DNAAF4: variants seen among roughly 807,000 people sequenced by gnomAD.
The protein encoded by DNAAF4 is dynein assembly factor 4, axonemal.
DNAAF4 carries 43 observed loss-of-function variants against 51.8 expected under a neutral mutation model. The observed-to-expected ratio is 0.83, with a 90% CI of 0.65 to 1.07. The LOEUF (loss-of-function observed/expected upper bound fraction) is 1.07, where lower values mean the gene tolerates loss of function less well. Among genes scored for constraint, DNAAF4 ranks in the 50% least tolerant of loss-of-function variants. The probability of loss-of-function intolerance (pLI) is 0.00; values close to 1 mark genes in which losing one functional copy is unlikely to be tolerated. For missense variants in DNAAF4, 581 were observed against 493.0 expected (o/e 1.18, Z -1.69); for synonymous variants, 194 against 165.6 (o/e 1.17, Z -1.32).
chr15:55,446,707 C>A (rs1388204601), intron 6 of DNAAF4, among the ~76,000 whole-genome samples: 4 of 148,290 alleles, frequency 2.7e-5, no homozygotes, highest in Non-Finnish European at 6.0e-5. Flanking sequence ...CAGAGGCGCT[C>A]CTCACTTCCT....
chr15:55,483,363 G>A (rs1235618342), intron 4 of DNAAF4, among the ~76,000 whole-genome samples: 1 of 151,846 alleles, frequency 6.6e-6, no homozygotes, highest in Non-Finnish European at 1.5e-5. Flanking sequence ...CCAAAGTGCT[G>A]GGATTACAGG....
At chr15:55,437,948 A>C (rs2057642487) in intron 7 of DNAAF4, among the ~76,000 whole-genome samples, 2 of 152,146 alleles carry the variant, frequency 1.3e-5, no homozygotes, top group South Asian at 4.1e-4. Context: ...AGAAGTAATA[A>C]GTAATAGGAA....
intron 7 of DNAAF4, among the ~76,000 whole-genome samples, chr15:55,424,862 T>C (rs956645810): frequency 1.4e-5 from 2 of 147,354 alleles, no homozygotes; most frequent in African/African-American, 5.1e-5. Context: ...TGCCCGGCTG[T>C]ACCTTGCTTT....
chr15:55,483,895 T>C (rs958278810), intron 4 of DNAAF4, among the ~76,000 whole-genome samples: 1 of 124,666 alleles, frequency 8.0e-6, no homozygotes, highest in Non-Finnish European at 1.6e-5. Context: ...GGCCAAATAA[T>C]GGGAGAAGAG....
At chr15:55,449,976 G>A (rs2141459652) in intron 6 of DNAAF4, among the ~76,000 whole-genome samples, 1 of 152,090 alleles carries the variant, frequency 6.6e-6, no homozygotes, top group South Asian at 2.1e-4. Flanking sequence ...TGGGATTGCA[G>A]GCATGAGCCA....
At chr15:55,496,668 C>A (rs768669066) in intron 3 of DNAAF4, among the ~76,000 whole-genome samples, 1 of 152,182 alleles carries the variant, frequency 6.6e-6, no homozygotes, top group Admixed American at 6.5e-5. Context: ...TGTGCTCTAA[C>A]TTTGACTAAT....
At chr15:55,494,922 T>C (rs1480282091) in intron 3 of DNAAF4, among the ~76,000 whole-genome samples, 1 of 152,146 alleles carries the variant, frequency 6.6e-6, no homozygotes, top group African/African-American at 2.4e-5. Context: ...TAAATATGAA[T>C]CACCTGTGGC....
intron 4 of DNAAF4, among the ~76,000 whole-genome samples, chr15:55,487,654 C>T (rs956989819): frequency 2.0e-5 from 3 of 151,866 alleles, no homozygotes; most frequent in South Asian, 2.1e-4. Flanking sequence ...ACGAACCTAC[C>T]GAGAGGAACA....
intron 8 of DNAAF4, among the ~76,000 whole-genome samples, chr15:55,433,928 T>TTATAATA (rs1291790182): frequency 3.3e-4 from 2 of 5,994 alleles, no homozygotes; most frequent in Non-Finnish European, 5.8e-4. Flanking sequence ...ATATATTATA[T>TTATAATA]TATATAAAAT....
At chr15:55,490,337 G>A (rs1011203185) in intron 4 of DNAAF4, among the ~76,000 whole-genome samples, 8 of 151,986 alleles carry the variant, frequency 5.3e-5, no homozygotes, top group Admixed American at 5.3e-4. Context: ...AAAATTGACT[G>A]TAGTAATGGT....
chr15:55,435,254 C>A (rs1449721999), intron 7 of DNAAF4, among the ~76,000 whole-genome samples, 196 bp from the exon 8 acceptor site: 3 of 148,094 alleles, frequency 2.0e-5, no homozygotes, highest in Admixed American at 1.4e-4. Context: ...CTCACTCCCA[C>A]CTCCAAGGGT....
chr15:55,427,855 G>A (rs4303428), downstream of DNAAF4, among the ~76,000 whole-genome samples: 106 of 150,062 alleles, frequency 7.1e-4, no homozygotes, highest in African/African-American at 2.4e-3. Flanking sequence ...GGCTGGTCTC[G>A]AACTCCCGAC....
intron 4 of DNAAF4, among the ~76,000 whole-genome samples, chr15:55,483,705 T>A (rs904290670): frequency 6.6e-6 from 1 of 151,740 alleles, no homozygotes; most frequent in Non-Finnish European, 1.5e-5. Context: ...CACACACGGC[T>A]AATTTTTTGT....
intron 1 of DNAAF4, among the ~76,000 whole-genome samples, chr15:55,506,656 G>A (rs2058728871): frequency 6.6e-6 from 1 of 152,014 alleles, no homozygotes; most frequent in African/African-American, 2.4e-5. Context: ...ATTTATAGGT[G>A]TTCATAGCAA....
intron 4 of DNAAF4, among the ~76,000 whole-genome samples, chr15:55,487,540 A>G (rs1223902085): frequency 2.0e-5 from 3 of 152,164 alleles, no homozygotes; most frequent in Non-Finnish European, 4.4e-5. Context: ...TTCACTCTTC[A>G]TAATAAATCT....
Position 55,434,941 on chromosome 15 carries a change from T to C in DNAAF4, c.1011A>G (p.Leu337=), listed in dbSNP as rs780776258. Residue 337 remains leucine, a synonymous_variant, in exon 8 of 10, where the codon CTA becomes CTG. Transcript: ENST00000321149. ...CTTCAATAGCCTTGTGTAAGTTTTT[T>C]AGTTTTAGGTGGCAAGCAGCCCGGT... is the stretch of plus-strand genomic sequence containing the variant. ...YLNRAACHLK[L]KNLHKAIEDS... The C allele has an allele frequency of 3.7e-6, 6 of 1,612,404 alleles. No individual in the cohort carries two copies. Among genetic ancestry groups the C allele is most frequent in the South Asian group, 1.1e-5 (1 of 90,472 alleles).
chr15:55,433,482 C>T (rs1206038366), intron 8 of DNAAF4, among the ~76,000 whole-genome samples: 2 of 151,380 alleles, frequency 1.3e-5, no homozygotes, highest in African/African-American at 2.4e-5. Context: ...AAAAATTAGC[C>T]GGGTATGATG....
chr15:55,447,570 G>C (rs1441917106), intron 6 of DNAAF4, among the ~76,000 whole-genome samples: 1 of 151,584 alleles, frequency 6.6e-6, no homozygotes, highest in Admixed American at 6.6e-5. Context: ...TGGAGGTCAG[G>C]AGCTGGAGAC....
intron 6 of DNAAF4, among the ~76,000 whole-genome samples, chr15:55,443,538 T>C (rs192957495): frequency 1.6e-3 from 244 of 152,364 alleles, no homozygotes; most frequent in East Asian, 3.3e-3. Flanking sequence ...AGCAGCATGA[T>C]TGATAATCTT....
Sources: allele counts gnomAD v4.1 joint callset (sites outside exome capture counted in the v4.1 genomes callset), GRCh38; gene constraint gnomAD v4.1.1; transcripts MANE v1.5; gene names NCBI Gene and HGNC (gene_info 2026-07-23, HGNC 2026-07-21).